Variants in ATP6V1C1 observed in about 807,000 individuals in gnomAD.
ATP6V1C1 encodes V-type proton ATPase subunit C 1.
Under a neutral mutation model 53.9 loss-of-function variants are expected in ATP6V1C1, and 45 were observed. That is an observed-to-expected ratio of 0.83 (90% CI 0.66 to 1.07). The LOEUF is 1.07. ATP6V1C1 is among the 50% of genes least tolerant of loss of function. The pLI is 0.00. For missense variants in ATP6V1C1, 315 were observed against 440.3 expected (o/e 0.72, Z 2.55); for synonymous variants, 153 against 155.2 (o/e 0.99, Z 0.11).
At chr8:103,054,064 C>A (rs1377978090) in intron 7 of ATP6V1C1, 82 bp downstream of exon 7, 2 of 1,093,054 alleles carry the variant, frequency 1.8e-6, no homozygotes, top group East Asian at 2.6e-5. Flanking sequence ...TTGAAGTTTT[C>A]CATAAAATCC....
At chr8:103,052,937 A>C in intron 6 of ATP6V1C1, 115 bp downstream of exon 6, 1 of 601,424 alleles carries the variant, frequency 1.7e-6, no homozygotes, top group Non-Finnish European at 2.6e-6. Flanking sequence ...TGTAATCAAA[A>C]TGGTATTTCT....
chr8:103,041,024 T>A, intron 2 of ATP6V1C1, 56 bp downstream of exon 2: 1 of 1,545,486 alleles, frequency 6.5e-7, no homozygotes, highest in Non-Finnish European at 8.8e-7. Context: ...GGAGGGCCAG[T>A]TCTCTCTTTT....
intron 5 of ATP6V1C1, 44 bp from the exon 6 acceptor site, chr8:103,052,686 AT>A: frequency 7.4e-7 from 1 of 1,356,986 alleles, no homozygotes; most frequent in Non-Finnish European, 1.0e-6. Flanking sequence ...GTAGAGGCAG[AT>A]TTAGGAAAAT....
At chr8:103,057,768 C>G (rs958929222) in intron 8 of ATP6V1C1, among the ~76,000 whole-genome samples, 2 of 152,042 alleles carry the variant, frequency 1.3e-5, no homozygotes, top group African/African-American at 4.8e-5. Context: ...GATAATGTTA[C>G]TGTATTTTCA....
intron 1 of ATP6V1C1, among the ~76,000 whole-genome samples, chr8:103,023,909 G>T (rs77143948): frequency 4.0e-5 from 6 of 151,560 alleles, no homozygotes; most frequent in African/African-American, 7.3e-5. Flanking sequence ...TTTTTTTGGG[G>T]GGGGGGAACT....
chr8:103,042,412 T>C lies in ATP6V1C1; in HGVS notation c.200+5T>C, dbSNP rs774683419. On this transcript the variant is annotated splice_donor_5th_base_variant and intron_variant, in intron 3 of 12. Coordinates refer to ENST00000518738, the MANE Select transcript of ATP6V1C1 (RefSeq NM_001695.5). ...ACTGGATGCATTTGTAGAAGGGTAA[T>C]GTACTTATATGCATGGAGTAGAGCA... The C allele has an allele frequency of 6.2e-7, 1 of 1,613,630 alleles. No individual in the cohort carries two copies. The highest frequency in any genetic ancestry group is 8.5e-7 in the Non-Finnish European group (1 of 1,179,726).
rs142757029 is a variant in ATP6V1C1, at chr8:103,046,996, A to G, written c.201-1874A>G. Among the ~76,000 whole-genome samples the G allele has an allele frequency of 1.6e-4, 24 of 152,324 alleles. No individual in the cohort carries two copies. The East Asian group carries it at 4.6e-3, about 29-fold the overall frequency. ...ACATGCAACATTTTAGAATGTTCGT[A>G]GCAAATGGTTCTGTTTACAAGATGC... On this transcript the variant is annotated intron_variant, in intron 3 of 12. Coordinates refer to ENST00000518738, the MANE Select transcript of ATP6V1C1 (RefSeq NM_001695.5).
chr8:103,029,124 A>T (rs986713105), intron 1 of ATP6V1C1, among the ~76,000 whole-genome samples: 2 of 152,116 alleles, frequency 1.3e-5, no homozygotes, highest in Admixed American at 6.6e-5. Flanking sequence ...TAATGTTTAT[A>T]CCTATGCATA....
rs780710416 is a variant in ATP6V1C1, at chr8:103,051,173, A to G, written c.381+29A>G. On this transcript the variant is annotated intron_variant, in intron 5 of 12. Transcript: ENST00000518738. Reference sequence around the variant, plus strand: ...AGATAATACTTGAGACAAGTAGGACACATTGATTTGTAGTGGCTTTGCTTA... The same window carrying G: ...AGATAATACTTGAGACAAGTAGGACGCATTGATTTGTAGTGGCTTTGCTTA... 6 of 1,489,568 alleles carry G rather than the reference A, an allele frequency of 4.0e-6. No homozygotes were observed. In the South Asian group the frequency reaches 5.9e-5, roughly 15 times the overall value. 92.3% of individuals were successfully genotyped at this position (1,489,568 alleles called of 1,614,324 possible). A position where few individuals can be genotyped will look rare whatever the true frequency, so the allele number is the denominator to read the frequency against.
In ATP6V1C1 at chr8:103,052,833, C is replaced by A; in HGVS notation, c.473+11C>A. ...GGAACGAAAGAATGCGTAAGCAGAT[C>A]AAGTATATTTGAGTACTAAGAACTG... On this transcript the variant is annotated intron_variant, in intron 6 of 12. Transcript: ENST00000518738. The A allele has an allele frequency of 1.3e-6, 2 of 1,542,940 alleles. No individual in the cohort carries two copies. Among genetic ancestry groups the A allele is most frequent in the South Asian group, 1.2e-5 (1 of 83,528 alleles).
At chr8:103,033,904 G>T (rs1478393319) in intron 1 of ATP6V1C1, among the ~76,000 whole-genome samples, 4 of 152,182 alleles carry the variant, frequency 2.6e-5, no homozygotes. Flanking sequence ...TACTGCAGGG[G>T]TACACCTATA....
At chr8:103,039,524 A>C (rs1816957635) in intron 1 of ATP6V1C1, among the ~76,000 whole-genome samples, 2 of 152,178 alleles carry the variant, frequency 1.3e-5, no homozygotes, top group Admixed American at 1.3e-4. Flanking sequence ...GTTATATTCA[A>C]TTTAGAGACA....
Position 103,062,953 on chromosome 8 carries a change from A to C in ATP6V1C1, c.642-2A>C. 6.2e-7 allele frequency: 1 copy of C among 1,606,514 alleles called. No individual in the cohort carries two copies. Among genetic ancestry groups the C allele is most frequent in the East Asian group, 2.2e-5 (1 of 44,772 alleles). On this transcript the variant is annotated splice_acceptor_variant, in intron 8 of 12. Coordinates refer to ENST00000518738, the MANE Select transcript of ATP6V1C1 (RefSeq NM_001695.5). LOFTEE classifies it high-confidence loss of function. ...TTAAATGGACTTTTTTTTTTTCCAT[A>C]GTGTTCTTTCAGAGGACCAAGACAG...
At chr8:103,052,360 A>T (rs2131396312) in intron 5 of ATP6V1C1, among the ~76,000 whole-genome samples, 1 of 152,226 alleles carries the variant, frequency 6.6e-6, no homozygotes, top group South Asian at 2.1e-4. Flanking sequence ...CAGTAGTCAA[A>T]ACTCTTCATG....
chr8:103,040,731 T>C, intron 1 of ATP6V1C1, 67 bp from the exon 2 acceptor site: 4 of 1,392,058 alleles, frequency 2.9e-6, no homozygotes, highest in Non-Finnish European at 3.9e-6. Flanking sequence ...ACTTCTCCTA[T>C]GATTCTGAAA....
At position 103,052,823 on chromosome 8, in the gene ATP6V1C1, G is replaced by A. The variant is rs1248211676; in HGVS notation, c.473+1G>A. The stretch of plus-strand genomic sequence containing the variant: ...TTCAGAATTTGGAACGAAAGAATGC[G>A]TAAGCAGATCAAGTATATTTGAGTA... On this transcript the variant is annotated splice_donor_variant, in intron 6 of 12. Coordinates refer to ENST00000518738, the MANE Select transcript of ATP6V1C1 (RefSeq NM_001695.5). LOFTEE classifies it high-confidence loss of function. 3 of 1,564,502 alleles carry A rather than the reference G, an allele frequency of 1.9e-6. No individual in the cohort carries two copies. Among genetic ancestry groups the A allele is most frequent in the Admixed American group, 1.8e-5 (1 of 54,704 alleles).
rs549878251 is a variant in ATP6V1C1 at position 103,067,013 on chromosome 8, G to T, written c.1053+566G>T. Among the ~76,000 whole-genome samples, 7 of 151,928 alleles carry T rather than the reference G, an allele frequency of 4.6e-5. No homozygotes were observed. The East Asian group carries it at 5.8e-4, about 13-fold the overall frequency. On this transcript the variant is annotated intron_variant, in intron 12 of 12. Transcript: ENST00000518738. Reference sequence around the variant, plus strand: ...AAACAGACCAAAAAATGTATTATGTGTTTATATCTTCTTTTAAACAAAACT... The same window carrying T: ...AAACAGACCAAAAAATGTATTATGTTTTTATATCTTCTTTTAAACAAAACT...
chr8:103,043,776 C>G (rs965247168), intron 3 of ATP6V1C1, among the ~76,000 whole-genome samples: 3 of 152,102 alleles, frequency 2.0e-5, no homozygotes, highest in Non-Finnish European at 4.4e-5. Flanking sequence ...TTTTAATTGG[C>G]TAGCCTTTTT....
chr8:103,044,493 T>C (rs1435979014), intron 3 of ATP6V1C1, among the ~76,000 whole-genome samples: 1 of 152,138 alleles, frequency 6.6e-6, no homozygotes, highest in Non-Finnish European at 1.5e-5. Context: ...GACTGTTTTT[T>C]CCCCTTTGAA....
Sources: allele counts gnomAD v4.1 joint callset (sites outside exome capture counted in the v4.1 genomes callset), GRCh38; gene constraint gnomAD v4.1.1; transcripts MANE v1.5; gene names NCBI Gene and HGNC (gene_info 2026-07-23, HGNC 2026-07-21).